Variants in PKNOX2 observed in about 807,000 individuals in gnomAD.
PKNOX2 encodes the protein homeobox protein PKNOX2.
In PKNOX2, 14 loss-of-function variants were observed where a neutral mutation model predicts 53.1. The ratio of observed to expected loss-of-function variants is 0.26; its 90% CI spans 0.17 to 0.41. PKNOX2 has a LOEUF of 0.41. Ranked by LOEUF, PKNOX2 falls within the 10% of genes least tolerant of loss-of-function variation. The probability of loss-of-function intolerance (pLI) is 1.00; values close to 1 mark genes in which losing one functional copy is unlikely to be tolerated. For synonymous variants in PKNOX2, 257 were observed against 242.8 expected (o/e 1.06, Z -0.54); for missense variants, 496 against 602.8 (o/e 0.82, Z 1.85).
At chr11:125,320,009 G>A (rs73621062) in intron 2 of PKNOX2, among the ~76,000 whole-genome samples, 3,325 of 152,316 alleles carry the variant, frequency 0.022, 106 homozygotes, top group African/African-American at 0.063. Context: ...AGGGAGGTAT[G>A]ACCATGTAAT....
chr11:125,350,195 C>G (rs1340639732), intron 3 of PKNOX2, among the ~76,000 whole-genome samples: 1 of 152,208 alleles, frequency 6.6e-6, no homozygotes, highest in Non-Finnish European at 1.5e-5. Context: ...TATTTCAGAG[C>G]ATCTACTGCA....
intron 1 of PKNOX2, among the ~76,000 whole-genome samples, chr11:125,189,152 A>T (rs370610489): frequency 6.6e-6 from 1 of 151,586 alleles, no homozygotes; most frequent in African/African-American, 2.4e-5. Flanking sequence ...GAAGAGGGGT[A>T]TAGGTGAATT....
intron 10 of PKNOX2, among the ~76,000 whole-genome samples, chr11:125,414,797 A>G (rs1955783068): frequency 6.6e-6 from 1 of 152,164 alleles, no homozygotes; most frequent in South Asian, 2.1e-4. Context: ...TGAAAATTCA[A>G]TGAGAAAATG....
intron 4 of PKNOX2, among the ~76,000 whole-genome samples, chr11:125,355,650 G>A (rs1289549818): frequency 6.6e-6 from 1 of 152,122 alleles, no homozygotes; most frequent in Non-Finnish European, 1.5e-5. Flanking sequence ...TAGTGGGCCT[G>A]GCTGTCAGCT....
intron 2 of PKNOX2, among the ~76,000 whole-genome samples, chr11:125,250,271 AAAAC>A (rs926891772): frequency 3.0e-4 from 45 of 152,162 alleles, no homozygotes; most frequent in African/African-American, 9.2e-4. Context: ...CTTTTTTTCA[AAAAC>A]AAACAAAAAT....
intron 5 of PKNOX2, among the ~76,000 whole-genome samples, chr11:125,381,656 C>T (rs971382308): frequency 1.3e-5 from 2 of 152,108 alleles, no homozygotes; most frequent in Non-Finnish European, 2.9e-5. Flanking sequence ...CCTCCCACCC[C>T]ATCCCTGCAA....
At chr11:125,426,465 T>C (rs1157483254) in intron 10 of PKNOX2, among the ~76,000 whole-genome samples, 4 of 152,246 alleles carry the variant, frequency 2.6e-5, no homozygotes, top group Non-Finnish European at 4.4e-5. Flanking sequence ...TGCCCAACAG[T>C]TGTGGGCTGG....
At chr11:125,209,246 C>T (rs538755396) in intron 1 of PKNOX2, among the ~76,000 whole-genome samples, 1 of 152,174 alleles carries the variant, frequency 6.6e-6, no homozygotes, top group African/African-American at 2.4e-5. Flanking sequence ...GTCTCTGAAA[C>T]AGGCAGGGCC....
At chr11:125,400,405 T>A (rs968224564) in intron 7 of PKNOX2, among the ~76,000 whole-genome samples, 1 of 152,212 alleles carries the variant, frequency 6.6e-6, no homozygotes, top group African/African-American at 2.4e-5. Context: ...AAGCTTCTGC[T>A]GCTGGATTCA....
rs527996270 is a variant in PKNOX2, at chr11:125,170,932, C to T, written c.-201+6156C>T. Among the ~76,000 whole-genome samples the T allele has an allele frequency of 2.1e-3, 309 of 146,282 alleles. 2 individuals carry two copies. Among genetic ancestry groups the T allele is most frequent in the African/African-American group, 7.6e-3 (301 of 39,572 alleles). On this transcript the variant is annotated intron_variant, in intron 1 of 12. Coordinates refer to ENST00000298282, the MANE Select transcript of PKNOX2 (RefSeq NM_001382323.2). ...AGTAGGAACGTGGCCAATTTGAGTA[C>T]GGCTCAGTCAAGGCAGTGGGGGTGC...
At chr11:125,283,855 C>T (rs1732834783) in intron 2 of PKNOX2, among the ~76,000 whole-genome samples, 1 of 152,128 alleles carries the variant, frequency 6.6e-6, no homozygotes, top group Admixed American at 6.5e-5. Flanking sequence ...GGTGGGAAAT[C>T]AGTCAAGTAT....
chr11:125,204,349 A>T (rs570410844), intron 1 of PKNOX2, among the ~76,000 whole-genome samples: 36 of 152,308 alleles, frequency 2.4e-4, no homozygotes, highest in Non-Finnish European at 4.4e-4. Context: ...GCAGATTCTG[A>T]TTCAGCAGGT....
At chr11:125,257,809 T>C (rs1052262725) in intron 2 of PKNOX2, among the ~76,000 whole-genome samples, 3 of 152,242 alleles carry the variant, frequency 2.0e-5, no homozygotes, top group Admixed American at 2.0e-4. Flanking sequence ...CTGAAGCTTG[T>C]CTGCTCACTT....
intron 1 of PKNOX2, among the ~76,000 whole-genome samples, chr11:125,179,347 C>T (rs982264503): frequency 8.5e-5 from 13 of 152,096 alleles, no homozygotes; most frequent in African/African-American, 3.1e-4. Flanking sequence ...GGAGAAGAGC[C>T]TAACACTGTG....
At chr11:125,191,519 G>A (rs1023240968) in intron 1 of PKNOX2, 5 of 152,196 alleles carry the variant, frequency 3.3e-5, no homozygotes, top group Admixed American at 6.5e-5. Flanking sequence ...TGGGGGTGGC[G>A]GGTCAGGGAA....
At chr11:125,305,755 C>A (rs76593956) in intron 2 of PKNOX2, among the ~76,000 whole-genome samples, 1 of 152,076 alleles carries the variant, frequency 6.6e-6, no homozygotes, top group Non-Finnish European at 1.5e-5. Flanking sequence ...AGAGGCAAAC[C>A]GACTGAAGTG....
chr11:125,228,045 TG>T (rs1420646611), intron 1 of PKNOX2, among the ~76,000 whole-genome samples: 2 of 143,430 alleles, frequency 1.4e-5, no homozygotes, highest in East Asian at 2.2e-4. Context: ...ATCAGTGGCA[TG>T]GCATGACCTT....
chr11:125,385,473 G>T, intron 5 of PKNOX2, 78 bp from the exon 6 acceptor site: 1 of 1,469,520 alleles, frequency 6.8e-7, no homozygotes, highest in Non-Finnish European at 9.1e-7. Flanking sequence ...GTGGGCAGGG[G>T]AGCCTGGTGG....
chr11:125,180,074 C>T (rs887346850), intron 1 of PKNOX2, among the ~76,000 whole-genome samples: 5 of 152,154 alleles, frequency 3.3e-5, no homozygotes, highest in South Asian at 2.1e-4. Context: ...CAGCCATGCA[C>T]GCTCCTGCCT....
Sources: allele counts gnomAD v4.1 joint callset (sites outside exome capture counted in the v4.1 genomes callset), GRCh38; gene constraint gnomAD v4.1.1; transcripts MANE v1.5; gene names NCBI Gene and HGNC (gene_info 2026-07-23, HGNC 2026-07-21).